Variants in ERGIC2 observed in about 807,000 individuals in gnomAD.
ERGIC2 encodes endoplasmic reticulum-Golgi intermediate compartment protein 2.
ERGIC2 carries 31 observed loss-of-function variants against 52.5 expected under a neutral mutation model. That is an observed-to-expected ratio of 0.59 (90% CI 0.44 to 0.80). ERGIC2 has a LOEUF of 0.80. Among genes scored for constraint, ERGIC2 ranks in the 30% least tolerant of loss-of-function variants. The pLI, the probability that ERGIC2 is intolerant of heterozygous loss-of-function variation, is 0.00. For missense variants in ERGIC2, 395 were observed against 455.2 expected (o/e 0.87, Z 1.20); for synonymous variants, 129 against 140.6 (o/e 0.92, Z 0.58).
At chr12:29,377,429 C>T (rs977291029) in intron 1 of ERGIC2, among the ~76,000 whole-genome samples, 1 of 152,072 alleles carries the variant, frequency 6.6e-6, no homozygotes, top group African/African-American at 2.4e-5. Context: ...TATGCACATC[C>T]TCTTGTATAC....
intron 11 of ERGIC2, among the ~76,000 whole-genome samples, chr12:29,344,617 A>G (rs1337346973): frequency 2.0e-5 from 3 of 152,192 alleles, no homozygotes; most frequent in African/African-American, 4.8e-5. Flanking sequence ...GAAAAGCTAT[A>G]GACACATGAC....
intron 5 of ERGIC2, among the ~76,000 whole-genome samples, chr12:29,366,044 C>T (rs7314716): frequency 0.032 from 4,828 of 152,032 alleles, 102 homozygotes; most frequent in South Asian, 0.072. Context: ...TAACCCCATA[C>T]ATTCAGTCAC....
chr12:29,365,086 C>A (rs73067444), intron 5 of ERGIC2, among the ~76,000 whole-genome samples: 3,316 of 151,990 alleles, frequency 0.022, 100 homozygotes, highest in African/African-American at 0.065. Flanking sequence ...ATTATTTAAC[C>A]CAGCAATCCC....
chr12:29,370,298 G>A, intron 2 of ERGIC2, 76 bp from the exon 3 acceptor site: 2 of 1,401,540 alleles, frequency 1.4e-6, no homozygotes, highest in South Asian at 1.5e-5. Flanking sequence ...TAATTTAAGT[G>A]AGATTAAATT....
At chr12:29,361,574 TATAA>T (rs935811592) in intron 6 of ERGIC2, 67 bp downstream of exon 6, 3 of 1,156,720 alleles carry the variant, frequency 2.6e-6, no homozygotes, top group African/African-American at 3.1e-5. Flanking sequence ...TGTGTTAATC[TATAA>T]ATAGTTTACA....
chr12:29,378,852 C>A (rs1291333059), intron 1 of ERGIC2, among the ~76,000 whole-genome samples: 1 of 152,062 alleles, frequency 6.6e-6, no homozygotes, highest in Non-Finnish European at 1.5e-5. Flanking sequence ...AATCCTCTCT[C>A]CATAATTTTA....
At chr12:29,354,225 T>C (rs944926349) in intron 8 of ERGIC2, among the ~76,000 whole-genome samples, 1 of 152,202 alleles carries the variant, frequency 6.6e-6, no homozygotes, top group African/African-American at 2.4e-5. Context: ...TTTAGCTATA[T>C]AAAGTTGTAG....
chr12:29,354,157 A>C (rs1038917850), intron 8 of ERGIC2, among the ~76,000 whole-genome samples: 4 of 152,188 alleles, frequency 2.6e-5, no homozygotes, highest in African/African-American at 9.7e-5. Context: ...ATGTTCTAAG[A>C]GATACTCATG....
chr12:29,370,252 G>T (rs775995871), intron 2 of ERGIC2, 30 bp from the exon 3 acceptor site: 4 of 1,511,356 alleles, frequency 2.6e-6, no homozygotes, highest in South Asian at 1.3e-5. Flanking sequence ...AAGAAAAACA[G>T]AATTAAAACA....
At chr12:29,356,284 AAGTGC>A in intron 8 of ERGIC2, 93 bp downstream of exon 8, 3 of 694,068 alleles carry the variant, frequency 4.3e-6, no homozygotes, top group Non-Finnish European at 7.7e-6. Context: ...CAGCCTCCCA[AAGTGC>A]TGGGATTACA....
At position 29,339,702 on chromosome 12, in the gene ERGIC2, C is replaced by T. The variant is rs1453460806; in HGVS notation, c.*1454G>A. The stretch of plus-strand genomic sequence containing the variant: ...CATAAACTTTACTGCAAAACAGACC[C>T]ATCACTATTTCTCCTTCTCTCCATT... On this transcript the variant is annotated 3_prime_UTR_variant, in exon 14 of 14. Coordinates refer to ENST00000360150, the MANE Select transcript of ERGIC2 (RefSeq NM_016570.3). 6.6e-6 allele frequency: 1 copy of T among 152,096 alleles called. No individual in the cohort carries two copies. The highest frequency in any genetic ancestry group is 2.4e-5 in the African/African-American group (1 of 41,432). 9.4% of individuals were successfully genotyped at this position (152,096 alleles called of 1,614,324 possible).
intron 7 of ERGIC2, among the ~76,000 whole-genome samples, chr12:29,356,963 C>T (rs1383640401): frequency 6.6e-6 from 1 of 151,624 alleles, no homozygotes; most frequent in East Asian, 1.9e-4. Flanking sequence ...CAAATATCCA[C>T]GAATCTTTTT....
intron 13 of ERGIC2, 87 bp from the exon 14 acceptor site, chr12:29,341,305 C>T: frequency 9.5e-7 from 1 of 1,051,036 alleles, no homozygotes. Flanking sequence ...TTATTTTGGG[C>T]AATCCTTTCT....
At position 29,349,126 on chromosome 12, in the gene ERGIC2, G is replaced by A. The variant is rs199688319; in HGVS notation, c.680C>T (p.Pro227Leu). The A allele has an allele frequency of 2.5e-6, 4 of 1,580,476 alleles. No homozygotes were observed. Among genetic ancestry groups the A allele is most frequent in the Admixed American group, 1.9e-5 (1 of 54,038 alleles). Reference sequence around the variant, plus strand: ...TCCATCTAAAGGATTAATAATTGCTGGAACAAGCTCTCCAAAAGACAAATG... The same window carrying A: ...TCCATCTAAAGGATTAATAATTGCTAGAACAAGCTCTCCAAAAGACAAATG... ...IDHLSFGELVPAIINPLDGTE... is the reference protein window; with the variant it reads ...IDHLSFGELVLAIINPLDGTE... The change falls in exon 10 of 14, where the codon CCA becomes CTA. Residue 227 changes from proline to leucine, a missense_variant. Physicochemically the swap from Pro to Leu is moderately conservative, Grantham distance 98 (BLOSUM62 -3). Coordinates refer to ENST00000360150, the MANE Select transcript of ERGIC2 (RefSeq NM_016570.3).
chr12:29,349,202 C>A (rs370711662), intron 9 of ERGIC2, 25 bp from the exon 10 acceptor site: 2 of 1,142,812 alleles, frequency 1.8e-6, no homozygotes, highest in South Asian at 2.8e-5. Flanking sequence ...ATAAAAACAA[C>A]TTAGCAGAGA....
chr12:29,342,678 C>G (rs1949847871), intron 12 of ERGIC2, among the ~76,000 whole-genome samples: 1 of 152,154 alleles, frequency 6.6e-6, no homozygotes, highest in South Asian at 2.1e-4. Context: ...AGTACTATAA[C>G]ATATGATTTT....
At chr12:29,356,330 A>T in intron 8 of ERGIC2, 52 bp downstream of exon 8, 1 of 1,134,888 alleles carries the variant, frequency 8.8e-7, no homozygotes, top group Non-Finnish European at 1.3e-6. Context: ...ATTTACTTTT[A>T]ACCAAGCTCC....
chr12:29,362,794 T>C (rs188570746), intron 5 of ERGIC2, among the ~76,000 whole-genome samples: 6 of 152,312 alleles, frequency 3.9e-5, no homozygotes, highest in Admixed American at 2.6e-4. Context: ...CACCTCCTGA[T>C]GAATTTGCCT....
At chr12:29,366,981 C>T in intron 4 of ERGIC2, 34 bp from the exon 5 acceptor site, 1 of 1,377,498 alleles carries the variant, frequency 7.3e-7, no homozygotes, top group East Asian at 2.7e-5. Context: ...GTTTTACATT[C>T]TATGCTTGGA....
Sources: allele counts gnomAD v4.1 joint callset (sites outside exome capture counted in the v4.1 genomes callset), GRCh38; gene constraint gnomAD v4.1.1; transcripts MANE v1.5; gene names NCBI Gene and HGNC (gene_info 2026-07-23, HGNC 2026-07-21).